The following PEDS1 variants were observed in gnomAD, a reference collection of about 807,000 sequenced individuals.
PEDS1 encodes the protein CarF homolog.
PEDS1 carries 14 observed loss-of-function variants against 35.2 expected under a neutral mutation model. The observed-to-expected ratio is 0.40, with a 90% CI of 0.26 to 0.62. PEDS1 has a LOEUF of 0.62. Ranked by LOEUF, PEDS1 falls within the 20% of genes least tolerant of loss-of-function variation. The probability of loss-of-function intolerance (pLI) is 0.44; values close to 1 mark genes in which losing one functional copy is unlikely to be tolerated. For missense variants in PEDS1, 260 were observed against 367.8 expected, an observed-to-expected ratio of 0.71 and a Z score of 2.40; for synonymous variants, 152 against 152.0, an observed-to-expected ratio of 1.00 and a Z score of 0.00.
chr20:50,127,958 G>A lies in PEDS1; in HGVS notation c.691+17C>T, dbSNP rs766676172. ...CTGGGGTGGGGAAAGCCCATTCCAC[G>A]CCACTGGTGGCCGCACCTGTGGTGA... On this transcript the variant is annotated intron_variant, in intron 5 of 5. Coordinates refer to ENST00000371652, the MANE Select transcript of PEDS1 (RefSeq NM_199129.4). 19 of 1,610,692 alleles carry A rather than the reference G, an allele frequency of 1.2e-5. No homozygotes were observed. Among genetic ancestry groups the A allele is most frequent in the African/African-American group, 4.0e-5 (3 of 74,864 alleles).
At chr20:50,125,232 C>T in intron 5 of PEDS1, 53 bp from the exon 6 acceptor site, 3 of 1,600,340 alleles carry the variant, frequency 1.9e-6, no homozygotes, top group South Asian at 2.2e-5. Flanking sequence ...GTCAAGGGGA[C>T]ATTGGAAGAG....
At chr20:50,133,589 G>A (rs529061760) in intron 2 of PEDS1, among the ~76,000 whole-genome samples, 67 of 152,284 alleles carry the variant, frequency 4.4e-4, no homozygotes, top group African/African-American at 1.6e-3. Context: ...GAAGGCGAGG[G>A]AGGTGGAAGC....
At chr20:50,148,603 G>T (rs1001643523) in intron 1 of PEDS1, among the ~76,000 whole-genome samples, 1 of 152,184 alleles carries the variant, frequency 6.6e-6, no homozygotes, top group Non-Finnish European at 1.5e-5. Flanking sequence ...CTTTCCAGGG[G>T]ACAGGCTGCA....
chr20:50,149,532 A>G (rs1172883203), intron 1 of PEDS1, among the ~76,000 whole-genome samples: 3 of 151,870 alleles, frequency 2.0e-5, no homozygotes, highest in African/African-American at 7.3e-5. Flanking sequence ...CTGCTGGGAA[A>G]CTCAGCCCAG....
chr20:50,142,160 C>A (rs940080548), intron 2 of PEDS1, among the ~76,000 whole-genome samples: 3 of 152,212 alleles, frequency 2.0e-5, no homozygotes, highest in Admixed American at 1.3e-4. Context: ...AAAATGATGA[C>A]AACCTTAGCG....
chr20:50,139,214 C>T (rs1316829753), intron 2 of PEDS1, among the ~76,000 whole-genome samples: 1 of 152,164 alleles, frequency 6.6e-6, no homozygotes, highest in Admixed American at 6.5e-5. Flanking sequence ...AGGCTTCTCC[C>T]AAGGTCCACG....
At chr20:50,135,091 A>G (rs2081220161) in intron 2 of PEDS1, among the ~76,000 whole-genome samples, 7 of 152,208 alleles carry the variant, frequency 4.6e-5, no homozygotes. Flanking sequence ...AGGCTGAGGC[A>G]GGAGAATCGC....
intron 2 of PEDS1, among the ~76,000 whole-genome samples, chr20:50,140,692 T>C (rs1221247743): frequency 6.6e-6 from 1 of 152,200 alleles, no homozygotes; most frequent in Non-Finnish European, 1.5e-5. Context: ...TTCCCAATGC[T>C]GCATCACGTG....
intron 5 of PEDS1, 29 bp from the exon 6 acceptor site, chr20:50,125,208 A>C: frequency 2.5e-6 from 4 of 1,611,848 alleles, no homozygotes; most frequent in Non-Finnish European, 3.4e-6. Context: ...CGGGAGTTTG[A>C]ATGGGAGAGA....
At chr20:50,138,498 C>T (rs538721300) in intron 2 of PEDS1, among the ~76,000 whole-genome samples, 1 of 152,380 alleles carries the variant, frequency 6.6e-6, no homozygotes, top group East Asian at 1.9e-4. Context: ...ATCCCCCCAA[C>T]GCAGCTCCTG....
intron 1 of PEDS1, among the ~76,000 whole-genome samples, chr20:50,144,118 A>G (rs1326853632): frequency 1.3e-5 from 2 of 152,184 alleles, no homozygotes; most frequent in Non-Finnish European, 2.9e-5. Context: ...CACCAAGGTC[A>G]AACAGTCAGG....
At chr20:50,152,532 G>A (rs1036433066) in intron 1 of PEDS1, among the ~76,000 whole-genome samples, 5 of 151,528 alleles carry the variant, frequency 3.3e-5, no homozygotes, top group African/African-American at 1.2e-4. Flanking sequence ...AATTCCTAGG[G>A]CTCACGTAGG....
rs756709177 is a variant in PEDS1 at position 50,128,152 on chromosome 20, C to T, written c.514G>A (p.Val172Ile). The T allele has an allele frequency of 6.8e-6, 11 of 1,614,058 alleles. No homozygotes were observed. In the South Asian group the frequency reaches 7.7e-5, roughly 11 times the overall value. Residue 172 changes from valine to isoleucine, a missense_variant, in exon 5 of 6, where the codon GTC becomes ATC. Val to Ile is a conservative substitution (Grantham distance 29). Coordinates refer to ENST00000371652, the MANE Select transcript of PEDS1 (RefSeq NM_199129.4). The surrounding 1 kb of genome is among the most constrained non-coding windows in gnomAD (Gnocchi z 5.2). ...LEQLYPWECFVFCLIIFGTFT... is the reference protein window; with the variant it reads ...LEQLYPWECFIFCLIIFGTFT... ...GTGCCGAAGATGATCAGGCAGAAGACGAAGCACTCCCAGGGGTATAGCTGC... is the reference window on the plus strand; with the variant it reads ...GTGCCGAAGATGATCAGGCAGAAGATGAAGCACTCCCAGGGGTATAGCTGC...
intron 5 of PEDS1, among the ~76,000 whole-genome samples, chr20:50,126,726 A>T (rs1601205988): frequency 6.6e-6 from 1 of 152,124 alleles, no homozygotes; most frequent in East Asian, 1.9e-4. Context: ...TTAACCTTGA[A>T]AGCAGCCCAG....
At chr20:50,146,882 C>T (rs1035130001) in intron 1 of PEDS1, among the ~76,000 whole-genome samples, 6 of 152,158 alleles carry the variant, frequency 3.9e-5, no homozygotes, top group Non-Finnish European at 7.4e-5. Context: ...CCCCAGCAGC[C>T]GCCCCAGCCT....
chr20:50,148,611 G>A (rs2081370029), intron 1 of PEDS1, among the ~76,000 whole-genome samples: 1 of 152,188 alleles, frequency 6.6e-6, no homozygotes, highest in Non-Finnish European at 1.5e-5. Context: ...GGGACAGGCT[G>A]CAGTCAAAGG....
chr20:50,131,553 C>T (rs1359591610), intron 2 of PEDS1, among the ~76,000 whole-genome samples: 5 of 151,298 alleles, frequency 3.3e-5, no homozygotes, highest in South Asian at 2.1e-4. Flanking sequence ...ACTCGGGAGG[C>T]GGAGGTTGCA....
At chr20:50,145,573 T>C (rs575918530) in intron 1 of PEDS1, among the ~76,000 whole-genome samples, 3 of 152,038 alleles carry the variant, frequency 2.0e-5, no homozygotes, top group South Asian at 4.1e-4. Context: ...CAGGCGCCTG[T>C]AGTCCCAGCT....
chr20:50,122,989 A>G lies in PEDS1; in HGVS notation c.*2069T>C, dbSNP rs1165077026. ...GTGGCGGCATGTGCTAGTCCCAGCC[A>G]CTCATGAGGATCGTTTGTGTCCAGG... is the stretch of plus-strand genomic sequence containing the variant. On this transcript the variant is annotated 3_prime_UTR_variant, in exon 6 of 6. Transcript: ENST00000371652. 2.0e-5 allele frequency: 3 copies of G among 151,616 alleles called. No homozygotes were observed. The highest frequency in any genetic ancestry group is 4.4e-5 in the Non-Finnish European group (3 of 67,984). The allele number at this position is 151,616 out of a possible 1,614,324, so 9.4% of individuals were successfully genotyped here.
Sources: gnomAD v4.1 joint callset for allele counts (sites outside exome capture counted in the v4.1 genomes callset) on GRCh38, gnomAD v4.1.1 for gene constraint, Gnocchi (gnomAD v3.1) non-coding constraint, MANE v1.5 for transcripts, NCBI Gene and HGNC (gene_info 2026-07-23, HGNC 2026-07-21) for gene names.